CA5A: variants seen among roughly 807,000 people sequenced by gnomAD.
CA5A encodes the protein carbonic anhydrase 5A, mitochondrial.
A neutral mutation model predicts 37.1 loss-of-function variants in CA5A; 28 were observed. The ratio of observed to expected loss-of-function variants is 0.75; its 90% CI spans 0.56 to 1.03. The LOEUF (loss-of-function observed/expected upper bound fraction) is 1.03, where lower values mean the gene tolerates loss of function less well. Ranked by LOEUF, CA5A falls within the 50% of genes least tolerant of loss-of-function variation. The pLI is 0.00. For missense variants in CA5A, 444 were observed against 399.9 expected (o/e 1.11, Z -0.94); for synonymous variants, 171 against 158.4 (o/e 1.08, Z -0.60).
Position 87,920,343 on chromosome 16 carries a change from C to T in CA5A, c.340+6405G>A, listed in dbSNP as rs181067219. On this transcript the variant is annotated intron_variant, in intron 2 of 6. Coordinates refer to ENST00000649794, the MANE Select transcript of CA5A (RefSeq NM_001739.2). ...TTTGTTTGTTTTTGAGACAATGTCTCGCTCTGTCGCCCAGGCTGGAGGGCA... is the reference window on the plus strand; with the variant it reads ...TTTGTTTGTTTTTGAGACAATGTCTTGCTCTGTCGCCCAGGCTGGAGGGCA... Among the ~76,000 whole-genome samples, 68 of 152,348 alleles carry T rather than the reference C, an allele frequency of 4.5e-4. No homozygotes were observed. In the Middle Eastern group the frequency reaches 0.014, roughly 30 times the overall value.
At chr16:87,909,501 A>AG (rs1947646776) in intron 2 of CA5A, among the ~76,000 whole-genome samples, 1 of 152,242 alleles carries the variant, frequency 6.6e-6, no homozygotes, top group South Asian at 2.1e-4. Flanking sequence ...CAGCAGGTGC[A>AG]GGGGCCGATG....
downstream of CA5A, chr16:87,883,023 G>A (rs2055621635): frequency 1.3e-5 from 2 of 151,990 alleles, no homozygotes; most frequent in African/African-American, 2.4e-5. Flanking sequence ...GCTAGATTTT[G>A]TTTTGTTTTG....
intron 1 of CA5A, among the ~76,000 whole-genome samples, chr16:87,927,887 T>TTATG (rs1567537221): frequency 6.6e-6 from 1 of 150,610 alleles, no homozygotes; most frequent in African/African-American, 2.4e-5. Context: ...GCAGAAAAGC[T>TTATG]TATGAGTGAA....
At chr16:87,928,278 C>G (rs2056341724) in intron 1 of CA5A, among the ~76,000 whole-genome samples, 1 of 152,222 alleles carries the variant, frequency 6.6e-6, no homozygotes, top group Admixed American at 6.5e-5. Context: ...ATCCTCCCAC[C>G]TCAGCCTCCT....
chr16:87,906,381 G>A (rs1231029725), intron 2 of CA5A, among the ~76,000 whole-genome samples: 3 of 152,094 alleles, frequency 2.0e-5, no homozygotes, highest in South Asian at 4.1e-4. Context: ...TACTCCTAGC[G>A]CTTTGGGAGG....
At position 87,912,949 on chromosome 16, in the gene CA5A, G is replaced by A. The variant is rs150319515; in HGVS notation, c.341-8045C>T. On this transcript the variant is annotated intron_variant, in intron 2 of 6. Transcript: ENST00000649794. ...GGCAACAGGGTCGGCGCCGGTGGTGGCTAAAGGAAGTGGGGCCTTCGCCAA... is the reference window on the plus strand; with the variant it reads ...GGCAACAGGGTCGGCGCCGGTGGTGACTAAAGGAAGTGGGGCCTTCGCCAA... Among the ~76,000 whole-genome samples, 445 of 152,248 alleles carry A rather than the reference G, an allele frequency of 2.9e-3. 2 individuals carry two copies. Among genetic ancestry groups the A allele is most frequent in the African/African-American group, 0.01 (427 of 41,546 alleles).
At chr16:87,893,214 G>A (rs1039189517) in intron 5 of CA5A, 90 of 418,332 alleles carry the variant, frequency 2.2e-4, no homozygotes, top group Non-Finnish European at 4.7e-5. Context: ...TGCAGCCTCT[G>A]CTTCCTGGGT....
intron 5 of CA5A, among the ~76,000 whole-genome samples, chr16:87,895,501 T>C (rs1233655020): frequency 1.3e-5 from 2 of 152,046 alleles, no homozygotes; most frequent in Non-Finnish European, 2.9e-5. Context: ...GCTGAGCTCA[T>C]GCCATTGCAC....
chr16:87,901,205 G>C (rs778992232), intron 5 of CA5A, among the ~76,000 whole-genome samples: 6 of 152,324 alleles, frequency 3.9e-5, no homozygotes, highest in Middle Eastern at 3.4e-3. Flanking sequence ...ATTCCAGCCT[G>C]AGTGACAGAG....
At chr16:87,893,065 C>A in intron 5 of CA5A, 2 of 1,038,688 alleles carry the variant, frequency 1.9e-6, no homozygotes, top group Non-Finnish European at 2.8e-6. Context: ...GCCATGCAGT[C>A]TCTCAAGCCC....
At position 87,911,670 on chromosome 16, in the gene CA5A, A is replaced by G. The variant is rs758569294; in HGVS notation, c.341-6766T>C. Reference sequence around the variant, plus strand: ...GCAGGCAGGGGCCGCAGCCACTGCAAGCCCCTGCCCACAGAACTCCGCGAC... The same window carrying G: ...GCAGGCAGGGGCCGCAGCCACTGCAGGCCCCTGCCCACAGAACTCCGCGAC... On this transcript the variant is annotated intron_variant, in intron 2 of 6. Coordinates refer to ENST00000649794, the MANE Select transcript of CA5A (RefSeq NM_001739.2). This position sits in a 1 kb window ranked among gnomAD's most constrained non-coding sequence, Gnocchi z 4.6. Among the ~76,000 whole-genome samples the G allele has an allele frequency of 1.3e-5, 2 of 152,168 alleles. No individual in the cohort carries two copies. The highest frequency in any genetic ancestry group is 2.4e-5 in the African/African-American group (1 of 41,440).
At chr16:87,893,450 A>T (rs1356677714) in intron 5 of CA5A, 6 of 536,904 alleles carry the variant, frequency 1.1e-5, no homozygotes, top group African/African-American at 1.9e-5. Context: ...TTCTACTGCT[A>T]CCTTACCAAT....
chr16:87,925,623 G>A (rs761150547), intron 2 of CA5A: 3 of 152,238 alleles, frequency 2.0e-5, no homozygotes, highest in Non-Finnish European at 4.4e-5. Flanking sequence ...CTGGCAGCCA[G>A]TCCTGATAAA....
At chr16:87,890,212 G>C (rs1010300279) in intron 6 of CA5A, among the ~76,000 whole-genome samples, 12 of 152,292 alleles carry the variant, frequency 7.9e-5, no homozygotes, top group Middle Eastern at 3.4e-3. Flanking sequence ...GCAGTGTTCT[G>C]AGACGAATGC....
chr16:87,908,056 A>G (rs2055991736), intron 2 of CA5A, among the ~76,000 whole-genome samples: 1 of 152,198 alleles, frequency 6.6e-6, no homozygotes, highest in Admixed American at 6.5e-5. Context: ...GAATACAGGA[A>G]CGAATGGGAT....
intron 4 of CA5A, chr16:87,881,970 C>T (rs2055611414): frequency 6.6e-6 from 1 of 152,194 alleles, no homozygotes; most frequent in South Asian, 2.1e-4. Flanking sequence ...TGAAGGTCAG[C>T]CACTCCCTGC....
At chr16:87,893,637 G>T in intron 5 of CA5A, 1 of 644,468 alleles carries the variant, frequency 1.6e-6, no homozygotes, top group Non-Finnish European at 2.7e-6. Context: ...GGAGTGCTGT[G>T]CCCCTGGTGC....
chr16:87,906,623 T>C (rs1703623367), intron 2 of CA5A, among the ~76,000 whole-genome samples: 1 of 150,894 alleles, frequency 6.6e-6, no homozygotes, highest in Non-Finnish European at 1.5e-5. Context: ...TGAGAATCAG[T>C]CTCAAAAAAA....
At chr16:87,884,810 T>C (rs2055635987), downstream of CA5A, 1 of 152,112 alleles carries the variant, frequency 6.6e-6, no homozygotes, top group Admixed American at 6.6e-5. Flanking sequence ...AAACCCAAAC[T>C]GGCTTACATG....
Sources: gnomAD v4.1 joint callset for allele counts (sites outside exome capture counted in the v4.1 genomes callset) on GRCh38, gnomAD v4.1.1 for gene constraint, Gnocchi (gnomAD v3.1) non-coding constraint, MANE v1.5 for transcripts, NCBI Gene and HGNC (gene_info 2026-07-23, HGNC 2026-07-21) for gene names.